Variants in SYN3 observed in about 807,000 individuals in gnomAD.
The protein encoded by SYN3 is synapsin-3.
A neutral mutation model predicts 65.8 loss-of-function variants in SYN3; 35 were observed. The observed-to-expected ratio is 0.53, with a 90% CI of 0.41 to 0.70. SYN3 has a LOEUF of 0.70. SYN3 is among the 30% of genes least tolerant of loss of function. The pLI is 0.00. For missense variants in SYN3, 680 were observed against 749.0 expected, an observed-to-expected ratio of 0.91 and a Z score of 1.08; for synonymous variants, 270 against 292.9, an observed-to-expected ratio of 0.92 and a Z score of 0.80.
intron 6 of SYN3, among the ~76,000 whole-genome samples, chr22:32,656,950 C>G (rs2060149330): frequency 6.6e-6 from 1 of 152,094 alleles, no homozygotes. Context: ...TAGCTAAGGG[C>G]ACCTTGTTGG....
At chr22:32,767,543 G>C (rs943027246) in intron 6 of SYN3, among the ~76,000 whole-genome samples, 2 of 152,210 alleles carry the variant, frequency 1.3e-5, no homozygotes, top group Admixed American at 1.3e-4. Context: ...GGGTGTTAGA[G>C]CCCCTCTAAT....
intron 3 of SYN3, among the ~76,000 whole-genome samples, chr22:32,961,992 G>A (rs1190019753): frequency 6.6e-6 from 1 of 151,968 alleles, no homozygotes; most frequent in Non-Finnish European, 1.5e-5. Flanking sequence ...TCTGATCCCG[G>A]GTACAGCTCT....
At chr22:32,622,738 A>G (rs1488816529) in intron 6 of SYN3, among the ~76,000 whole-genome samples, 2 of 151,934 alleles carry the variant, frequency 1.3e-5, no homozygotes, top group Non-Finnish European at 2.9e-5. Flanking sequence ...AAAAAAAAAA[A>G]AAAAAAAGTT....
intron 6 of SYN3, among the ~76,000 whole-genome samples, chr22:32,665,154 C>T (rs10854622): frequency 0.3 from 45,693 of 151,550 alleles, 9,397 homozygotes; most frequent in East Asian, 0.7. Flanking sequence ...TGTTCCACCA[C>T]GCCTAGCTAA....
intron 6 of SYN3, among the ~76,000 whole-genome samples, chr22:32,700,120 C>T (rs2060791646): frequency 6.6e-6 from 1 of 152,154 alleles, no homozygotes; most frequent in Non-Finnish European, 1.5e-5. Flanking sequence ...AATTCCAAGG[C>T]TTTCAGATGC....
chr22:32,952,717 C>T (rs909459407), intron 3 of SYN3, among the ~76,000 whole-genome samples: 5 of 152,080 alleles, frequency 3.3e-5, no homozygotes, highest in South Asian at 2.1e-4. Context: ...ATTGCACCAT[C>T]GCCCTGCAGC....
chr22:32,659,244 T>G (rs1192427884), intron 6 of SYN3, among the ~76,000 whole-genome samples: 1 of 152,042 alleles, frequency 6.6e-6, no homozygotes, highest in African/African-American at 2.4e-5. Context: ...TAGGGAGCCA[T>G]TGATGGTCTA....
At position 32,541,455 on chromosome 22, in the gene SYN3, A is replaced by T. The variant is rs1288038869; in HGVS notation, c.917+116T>A. The T allele has an allele frequency of 3.1e-6, 4 of 1,290,992 alleles. No homozygotes were observed. In the East Asian group the frequency reaches 9.3e-5, roughly 30 times the overall value. 80.0% of individuals were successfully genotyped at this position (1,290,992 alleles called of 1,614,324 possible). A position where few individuals can be genotyped will look rare whatever the true frequency, so the allele number is the denominator to read the frequency against. On this transcript the variant is annotated intron_variant, in intron 8 of 13. Transcript: ENST00000358763. ...ACACTGGACAGAGAAGAAGGGCAGT[A>T]AGGAGACAGGAAGGAGGATAATGAT...
At chr22:32,727,466 A>C (rs1019754335) in intron 6 of SYN3, among the ~76,000 whole-genome samples, 10 of 152,218 alleles carry the variant, frequency 6.6e-5, no homozygotes, top group African/African-American at 2.4e-4. Flanking sequence ...CTGCATACAC[A>C]TATCTTTATA....
At chr22:32,527,716 T>C in intron 12 of SYN3, 1 of 557,864 alleles carries the variant, frequency 1.8e-6, no homozygotes, top group East Asian at 3.0e-5. Flanking sequence ...TATTAGGTTC[T>C]TAATAAATTA....
chr22:33,035,330 ACC>A (rs133975), intron 1 of SYN3, among the ~76,000 whole-genome samples: 941 of 31,434 alleles, frequency 0.03, 45 homozygotes, highest in African/African-American at 0.074. Context: ...AAATCTCGGG[ACC>A]CCCCCCCCCC....
At chr22:33,038,728 C>T (rs1359410664) in intron 1 of SYN3, among the ~76,000 whole-genome samples, 1 of 152,002 alleles carries the variant, frequency 6.6e-6, no homozygotes, top group Non-Finnish European at 1.5e-5. Context: ...TGCCACCAAA[C>T]CCAAGGCAGC....
intron 7 of SYN3, among the ~76,000 whole-genome samples, chr22:32,550,040 G>A (rs1038283334): frequency 1.3e-5 from 2 of 152,026 alleles, no homozygotes; most frequent in Non-Finnish European, 2.9e-5. Context: ...AAGCAAAAAT[G>A]GTTATTAATT....
intron 6 of SYN3, among the ~76,000 whole-genome samples, chr22:32,748,381 T>C (rs868577675): frequency 6.6e-6 from 1 of 152,202 alleles, no homozygotes; most frequent in Non-Finnish European, 1.5e-5. Flanking sequence ...GCAACCTCTC[T>C]GAGCTTCAGG....
At chr22:32,852,737 A>ATGTG (rs113858544) in intron 6 of SYN3, among the ~76,000 whole-genome samples, 36,499 of 151,520 alleles carry the variant, frequency 0.24, 4,454 homozygotes, top group Middle Eastern at 0.32. Flanking sequence ...GACCTGCGAT[A>ATGTG]TGTGTGTGTG....
At position 32,980,686 on chromosome 22, in the gene SYN3, C is replaced by T. The variant is rs367976614; in HGVS notation, c.328G>A (p.Gly110Arg). Residue 110 changes from glycine to arginine, a missense_variant, in exon 3 of 14, where the codon GGG becomes AGG. By Grantham distance (125) the Gly-to-Arg change is moderately radical. Transcript: ENST00000358763. ...AHTDWSKYFH[G>R]KKVNGEIEIR... ...TCAATCTCTCCATTCACCTTCTTCC[C>T]ATGGAAATACTTCGACCTGTAAAGG... 6.2e-7 allele frequency: 1 copy of T among 1,613,860 alleles called. No homozygotes were observed. Among genetic ancestry groups the T allele is most frequent in the African/African-American group, 1.3e-5 (1 of 74,900 alleles).
chr22:32,784,986 T>G (rs2046155828), intron 6 of SYN3: 1 of 152,142 alleles, frequency 6.6e-6, no homozygotes, highest in Non-Finnish European at 1.5e-5. Flanking sequence ...CCTCCAGGTA[T>G]GATCACTTGG....
intron 7 of SYN3, among the ~76,000 whole-genome samples, chr22:32,585,909 T>TATATAC (rs1216956855): frequency 4.9e-5 from 3 of 61,356 alleles, no homozygotes; most frequent in African/African-American, 1.1e-4. Context: ...TATATGTGTA[T>TATATAC]GTATACATAT....
intron 7 of SYN3, among the ~76,000 whole-genome samples, chr22:32,574,711 C>G (rs376933691): frequency 6.6e-6 from 1 of 152,340 alleles, no homozygotes; most frequent in East Asian, 1.9e-4. Flanking sequence ...CTGCAAAGCT[C>G]TCGCTGCAGC....
Sources: allele counts gnomAD v4.1 joint callset (sites outside exome capture counted in the v4.1 genomes callset), GRCh38; gene constraint gnomAD v4.1.1; transcripts MANE v1.5; gene names NCBI Gene and HGNC (gene_info 2026-07-23, HGNC 2026-07-21).